Variants in RANBP2 observed in about 807,000 individuals in gnomAD.
RANBP2 encodes the protein E3 SUMO-protein ligase RanBP2.
A neutral mutation model predicts 303.6 loss-of-function variants in RANBP2; 57 were observed. The ratio of observed to expected loss-of-function variants is 0.19; its 90% confidence interval spans 0.15 to 0.23. The LOEUF is 0.23. Ranked by LOEUF, RANBP2 falls within the 10% of genes least tolerant of loss-of-function variation. RANBP2 has a pLI of 1.00. For synonymous variants in RANBP2, 1,167 were observed against 1,301.5 expected, an observed-to-expected ratio of 0.90 and a Z score of 2.23; for missense variants, 3,138 against 3,780.8, an observed-to-expected ratio of 0.83 and a Z score of 4.46.
Position 108,781,263 on chromosome 2 carries a change from C to T in RANBP2, c.8600-6C>T, listed in dbSNP as rs2149329123. 1 of 1,613,796 alleles carries T rather than the reference C, an allele frequency of 6.2e-7. No individual in the cohort carries two copies. Among genetic ancestry groups the T allele is most frequent in the Non-Finnish European group, 8.5e-7 (1 of 1,179,822 alleles). On this transcript the variant is annotated splice_polypyrimidine_tract_variant and splice_region_variant and intron_variant, in intron 25 of 28. Coordinates refer to ENST00000283195, the MANE Select transcript of RANBP2 (RefSeq NM_006267.5). The stretch of plus-strand genomic sequence containing the variant: ...TAGTGTTTAAATATCCTGATTTATT[C>T]ATCAGATAAAAATTTCCAATGGGCA...
At chr2:109,493,142 C>T in the RANBP2 span, among the ~76,000 whole-genome samples, 14,963 of 146,226 alleles carry the variant, frequency 0.1, 1,178 homozygotes, top group East Asian at 0.24. Flanking sequence ...ACCCCACATA[C>T]ATCATACAAA....
chr2:109,694,465 A>T, the RANBP2 span, among the ~76,000 whole-genome samples: 1 of 148,356 alleles, frequency 6.7e-6, no homozygotes, highest in East Asian at 2.0e-4. Context: ...ATGCAGTGGC[A>T]CAATCTCGGC....
chr2:109,171,597 C>T, the RANBP2 span, among the ~76,000 whole-genome samples: 1 of 152,210 alleles, frequency 6.6e-6, no homozygotes, highest in African/African-American at 2.4e-5. Context: ...CTTCTCGCCG[C>T]CCCTGGTCTG....
chr2:109,108,466 C>T, the RANBP2 span, among the ~76,000 whole-genome samples: 3 of 152,146 alleles, frequency 2.0e-5, no homozygotes, highest in Admixed American at 6.6e-5. Context: ...GAGAAGCAAG[C>T]CCACCATGAA....
the RANBP2 span, among the ~76,000 whole-genome samples, chr2:109,602,120 C>T: frequency 6.6e-6 from 1 of 152,158 alleles, no homozygotes; most frequent in Non-Finnish European, 1.5e-5. Flanking sequence ...ACAGTAACCC[C>T]TATCAATACT....
chr2:109,602,750 C>T, the RANBP2 span, among the ~76,000 whole-genome samples: 3 of 150,296 alleles, frequency 2.0e-5, no homozygotes, highest in East Asian at 2.0e-4. Flanking sequence ...TCCATGCAGG[C>T]TAGGTGACAG....
chr2:109,170,481 G>A, the RANBP2 span, among the ~76,000 whole-genome samples: 1 of 152,026 alleles, frequency 6.6e-6, no homozygotes, highest in Non-Finnish European at 1.5e-5. Flanking sequence ...GAGTAGCTGG[G>A]ACTGCAGGCG....
chr2:109,647,886 C>T, the RANBP2 span, among the ~76,000 whole-genome samples: 3 of 152,234 alleles, frequency 2.0e-5, no homozygotes, highest in South Asian at 6.2e-4. Flanking sequence ...TGAGAACAAG[C>T]ATCATTCCAC....
chr2:109,024,007 C>A, the RANBP2 span, among the ~76,000 whole-genome samples: 2 of 152,150 alleles, frequency 1.3e-5, no homozygotes, highest in Non-Finnish European at 2.9e-5. Flanking sequence ...CTCACCACAA[C>A]CTCCACCTCC....
chr2:108,846,280 T>G, the RANBP2 span, among the ~76,000 whole-genome samples: 15 of 152,244 alleles, frequency 9.9e-5, no homozygotes, highest in African/African-American at 3.6e-4. Flanking sequence ...ACAAATAATT[T>G]TTTAAGTTGA....
chr2:108,914,555 C>T, the RANBP2 span, among the ~76,000 whole-genome samples: 13 of 152,310 alleles, frequency 8.5e-5, no homozygotes, highest in Middle Eastern at 3.4e-3. Flanking sequence ...ATCACTAAGA[C>T]GCAACCATTC....
downstream of RANBP2, chr2:108,786,821 C>G (rs771813971): frequency 8.8e-6 from 14 of 1,587,542 alleles, no homozygotes; most frequent in South Asian, 1.3e-4. Flanking sequence ...TTGCTGTGTG[C>G]TATGGAGCCG....
chr2:109,212,277 G>A, the RANBP2 span, among the ~76,000 whole-genome samples: 76 of 152,332 alleles, frequency 5.0e-4, no homozygotes, highest in African/African-American at 1.7e-3. Context: ...GCCCAGAAAA[G>A]GCTGAAGGAA....
the RANBP2 span, among the ~76,000 whole-genome samples, chr2:109,691,675 C>T: frequency 1.4e-4 from 21 of 152,134 alleles, no homozygotes; most frequent in African/African-American, 2.9e-4. Context: ...GGACAAGCAA[C>T]CAGAACACAA....
chr2:108,761,897 T>G (rs1209158642), intron 18 of RANBP2, among the ~76,000 whole-genome samples: 1 of 152,224 alleles, frequency 6.6e-6, no homozygotes, highest in African/African-American at 2.4e-5. Flanking sequence ...TCTCTTATTC[T>G]TCATGTCATA....
the RANBP2 span, among the ~76,000 whole-genome samples, chr2:108,878,870 T>C: frequency 6.6e-6 from 1 of 152,164 alleles, no homozygotes; most frequent in Non-Finnish European, 1.5e-5. Context: ...TAAAGAATCC[T>C]TTTGGAAAAT....
At chr2:109,097,381 G>T in the RANBP2 span, among the ~76,000 whole-genome samples, 1 of 151,920 alleles carries the variant, frequency 6.6e-6, no homozygotes, top group African/African-American at 2.4e-5. Flanking sequence ...TGAATGTTCA[G>T]GGAGACTAGC....
At chr2:109,195,515 C>G in the RANBP2 span, among the ~76,000 whole-genome samples, 1 of 152,206 alleles carries the variant, frequency 6.6e-6, no homozygotes, top group Non-Finnish European at 1.5e-5. Flanking sequence ...TGGAAACCTA[C>G]GTTCTTTAGA....
chr2:109,273,196 GGCC>G, the RANBP2 span, among the ~76,000 whole-genome samples: 1 of 152,218 alleles, frequency 6.6e-6, no homozygotes, highest in Non-Finnish European at 1.5e-5. Flanking sequence ...GAAGATCCTA[GGCC>G]TGTCCTGAGA....
Sources: gnomAD v4.1 joint callset for allele counts (sites outside exome capture counted in the v4.1 genomes callset) on GRCh38, gnomAD v4.1.1 for gene constraint, MANE v1.5 for transcripts, NCBI Gene and HGNC (gene_info 2026-07-23, HGNC 2026-07-21) for gene names.